The following MYO7B variants were observed in gnomAD, a reference collection of about 807,000 sequenced individuals.
MYO7B encodes myosin VIIB.
In MYO7B, 212 loss-of-function variants were observed where a neutral mutation model predicts 259.7. That is an observed-to-expected ratio of 0.82 (90% CI 0.73 to 0.91). MYO7B has a LOEUF of 0.91. Among genes scored for constraint, MYO7B ranks in the 40% least tolerant of loss-of-function variants. MYO7B has a pLI of 0.00. For missense variants in MYO7B, 2,732 were observed against 2,813.5 expected (o/e 0.97, Z 0.66); for synonymous variants, 1,197 against 1,166.4 (o/e 1.03, Z -0.54).
At chr2:127,579,455 G>A (rs1275923308) in intron 9 of MYO7B, among the ~76,000 whole-genome samples, 1 of 152,236 alleles carries the variant, frequency 6.6e-6, no homozygotes, top group Non-Finnish European at 1.5e-5. Context: ...GCACACTTCG[G>A]CCAGGGAAAG....
At chr2:127,624,041 G>T in intron 29 of MYO7B, 52 bp from the exon 30 acceptor site, 1 of 1,485,882 alleles carries the variant, frequency 6.7e-7, no homozygotes, top group Non-Finnish European at 9.1e-7. Context: ...GCGTCCCCGT[G>T]GGGTGGGGCA....
Position 127,635,189 on chromosome 2 carries a change from A to C in MYO7B, c.5783A>C (p.Lys1928Thr). The C allele has an allele frequency of 6.2e-7, 1 of 1,613,652 alleles. No homozygotes were observed. Among genetic ancestry groups the C allele is most frequent in the South Asian group, 1.1e-5 (1 of 91,052 alleles). Reference sequence around the variant, plus strand: ...TTGTGGCTCAACATATCTCCAGGGAAGGATGTGAATGCAGACACCATACTC... The same window carrying C: ...TTGTGGCTCAACATATCTCCAGGGACGGATGTGAATGCAGACACCATACTC... ...RKLWLNISPG[K>T]DVNADTILHY... The change falls in exon 43 of 48, where the codon AAG (lysine) becomes ACG (threonine). Residue 1928 changes from lysine (K) to threonine (T), a missense_variant. By Grantham distance (78) the Lys-to-Thr change is moderately conservative. This residue lies in a region of MYO7B where 821 missense variants were observed against 769.3 expected (regional missense o/e 1.07). Transcript: ENST00000409816.
intron 22 of MYO7B, 59 bp downstream of exon 22, chr2:127,608,937 T>A: frequency 1.3e-6 from 2 of 1,551,514 alleles, no homozygotes; most frequent in Non-Finnish European, 1.7e-6. Flanking sequence ...GCCTGCCCAG[T>A]CCGTGAACTC....
rs1300135588 is a variant in MYO7B, at chr2:127,627,744, C to T, written c.4460+434C>T. On this transcript the variant is annotated intron_variant, in intron 33 of 47. Transcript: ENST00000409816. This position sits in a 1 kb window ranked among gnomAD's most constrained non-coding sequence, Gnocchi z 5.6. ...GGCTGGGGGTCCTCTTAGGCTGGGGCTGACCCCCACTCCCATGGGTCTCCA... is the reference window on the plus strand; with the variant it reads ...GGCTGGGGGTCCTCTTAGGCTGGGGTTGACCCCCACTCCCATGGGTCTCCA... The T allele has an allele frequency of 2.2e-6, 1 of 459,084 alleles. No homozygotes were observed. Among genetic ancestry groups the T allele is most frequent in the Non-Finnish European group, 4.4e-6 (1 of 228,712 alleles). The allele number at this position is 459,084 out of a possible 1,614,324, so 28.4% of individuals were successfully genotyped here.
At chr2:127,569,980 GGGGA>G in intron 6 of MYO7B, 70 bp downstream of exon 6, 5 of 1,526,230 alleles carry the variant, frequency 3.3e-6, no homozygotes, top group Non-Finnish European at 2.7e-6. Flanking sequence ...GTAGGACCAT[GGGGA>G]GGGACAGGAT....
intron 44 of MYO7B, 72 bp downstream of exon 44, chr2:127,635,979 C>G (rs56412754): frequency 3.9e-5 from 58 of 1,496,464 alleles, no homozygotes; most frequent in Non-Finnish European, 5.1e-5. Context: ...GTGCCATGCC[C>G]TGCCTGGGCT....
Position 127,601,931 on chromosome 2 carries a change from G to A in MYO7B, c.2340-3913G>A, listed in dbSNP as rs896537824. Among the ~76,000 whole-genome samples, 12 of 152,244 alleles carry A rather than the reference G, an allele frequency of 7.9e-5. 1 individual carries two copies. Among genetic ancestry groups the A allele is most frequent in the East Asian group, 3.9e-4 (2 of 5,186 alleles). ...TTACATATCATTTCACTCAAAGCCTGTTTCCAAGAAGGTATCAGCAACATT... is the reference window on the plus strand; with the variant it reads ...TTACATATCATTTCACTCAAAGCCTATTTCCAAGAAGGTATCAGCAACATT... On this transcript the variant is annotated intron_variant, in intron 19 of 47. Transcript: ENST00000409816.
rs757670429 is a variant in MYO7B at position 127,576,607 on chromosome 2, CG to C, written c.750del (p.Asn251ThrfsTer12). The stretch of plus-strand genomic sequence containing the variant: ...CCCTCCCTCCCAGGCTCCCGAGGAG[CG>C]GAACTACCATATCTTCTACTGCATG... ...SRVCRQAPEERNYHIFYCMLM... is the reference protein window; with the variant it reads ...SRVCRQAPEEXNYHIFYCMLM... On this transcript the variant is annotated frameshift_variant, in exon 8 of 48. Transcript: ENST00000409816. LOFTEE classifies it high-confidence loss of function. This position sits in a 1 kb window ranked among gnomAD's most constrained non-coding sequence, Gnocchi z 4.9. 3.7e-6 allele frequency: 6 copies of C among 1,600,802 alleles called. No homozygotes were observed. Among genetic ancestry groups the C allele is most frequent in the Non-Finnish European group, 4.3e-6 (5 of 1,171,120 alleles).
In MYO7B at chr2:127,573,936, G is replaced by A. The variant is rs943844599; in HGVS notation, c.609G>A (p.Lys203=). The change falls in exon 7 of 48, where the codon AAG becomes AAA. Residue 203 remains lysine, a synonymous_variant. Transcript: ENST00000409816. ...NPILEAFGNA[K]TIRNDNSSRF... is the part of the protein sequence containing the mutation. The stretch of plus-strand genomic sequence containing the variant: ...TACCTTCAGCCTTTGGAAATGCCAA[G>A]ACAATCCGCAACGACAACTCAAGCC... The A allele has an allele frequency of 6.2e-7, 1 of 1,613,946 alleles. No homozygotes were observed. The highest frequency in any genetic ancestry group is 1.7e-5 in the Admixed American group (1 of 60,014).
rs772567705 is a variant in MYO7B at position 127,565,382 on chromosome 2, C to G, written c.282C>G (p.Ile94Met). 1 of 1,613,880 alleles carries G rather than the reference C, an allele frequency of 6.2e-7. No individual in the cohort carries two copies. The highest frequency in any genetic ancestry group is 1.3e-5 in the African/African-American group (1 of 74,946). Residue 94 changes from isoleucine (I) to methionine (M), a missense_variant, in exon 4 of 48, where the codon ATC becomes ATG. Physicochemically the swap from Ile to Met is conservative, Grantham distance 10. Coordinates refer to ENST00000409816, the MANE Select transcript of MYO7B (RefSeq NM_001393586.1). ...TGATCCGCTACCAGCAGCACAAGATCTATGTGAGTCTCCCCAGCCCTGTGT... is the reference window on the plus strand; with the variant it reads ...TGATCCGCTACCAGCAGCACAAGATGTATGTGAGTCTCCCCAGCCCTGTGT... ...NLLIRYQQHK[I>M]YTYTGSILVA...
intron 6 of MYO7B, 120 bp from the exon 7 acceptor site, chr2:127,573,800 G>A (rs1031574105): frequency 2.2e-5 from 29 of 1,315,782 alleles, no homozygotes; most frequent in South Asian, 1.4e-4. Flanking sequence ...TGGTGCAGCC[G>A]TGCCCATTCT....
intron 31 of MYO7B, chr2:127,626,704 G>A (rs1418995340): frequency 2.8e-5 from 9 of 326,792 alleles, no homozygotes; most frequent in African/African-American, 4.3e-5. Context: ...GCTTGAACTC[G>A]GGAGGCGGAG....
At chr2:127,541,014 A>G (rs1380370606) in intron 1 of MYO7B, among the ~76,000 whole-genome samples, 2 of 152,214 alleles carry the variant, frequency 1.3e-5, no homozygotes, top group Non-Finnish European at 2.9e-5. Context: ...TTCATTGTTC[A>G]TATCTATAAT....
chr2:127,612,511 G>A lies in MYO7B; in HGVS notation c.3306G>A (p.Leu1102=), dbSNP rs1680424240. ...ASQLNIGEEA[L]EPDGLGADRP... The stretch of plus-strand genomic sequence containing the variant: ...AGCTGAACATTGGAGAGGAGGCATT[G>A]GAGCCTGATGGCCTTGGTGCAGACC... Residue 1102 remains leucine (L), a synonymous_variant, in exon 26 of 48, where the codon TTG becomes TTA. Transcript: ENST00000409816. 1.3e-6 allele frequency: 2 copies of A among 1,565,516 alleles called. No homozygotes were observed. The highest frequency in any genetic ancestry group is 2.4e-5 in the East Asian group (1 of 41,774).
At chr2:127,568,619 G>T (rs141507714) in intron 5 of MYO7B, among the ~76,000 whole-genome samples, 1 of 152,304 alleles carries the variant, frequency 6.6e-6, no homozygotes, top group East Asian at 1.9e-4. Flanking sequence ...TATTTTGGCC[G>T]GGTGCGGTAG....
intron 38 of MYO7B, 38 bp from the exon 39 acceptor site, chr2:127,632,207 CT>C (rs748567077): frequency 1.3e-5 from 20 of 1,594,416 alleles, no homozygotes; most frequent in Non-Finnish European, 1.5e-5. Context: ...CCAGGGCCCC[CT>C]GAGGGGCCTT....
chr2:127,625,285 C>G, intron 30 of MYO7B, 83 bp from the exon 31 acceptor site: 5 of 1,402,238 alleles, frequency 3.6e-6, no homozygotes, highest in Non-Finnish European at 4.7e-6. Context: ...GGCAAGAGCC[C>G]GGCCACGGGA....
At chr2:127,593,691 G>C in intron 18 of MYO7B, 47 bp downstream of exon 18, 1 of 1,557,450 alleles carries the variant, frequency 6.4e-7, no homozygotes, top group Non-Finnish European at 8.8e-7. Context: ...TGCAGCATGT[G>C]GGCTTGTCAG....
In MYO7B at chr2:127,546,122, C is replaced by T. The variant is rs1003056753; in HGVS notation, c.-24+10291C>T. Among the ~76,000 whole-genome samples the T allele has an allele frequency of 6.6e-6, 1 of 152,236 alleles. No individual in the cohort carries two copies. Among genetic ancestry groups the T allele is most frequent in the African/African-American group, 2.4e-5 (1 of 41,462 alleles). ...TTCCAAGTCTTACTCATCCCTCACC[C>T]AGCCCCAGATGCCCTTTCTGCCCAA... On this transcript the variant is annotated intron_variant, in intron 1 of 47. Transcript: ENST00000409816. The surrounding 1 kb of genome is among the most constrained non-coding windows in gnomAD (Gnocchi z 4.2).
Sources: gnomAD v4.1 joint callset for allele counts (sites outside exome capture counted in the v4.1 genomes callset) on GRCh38, gnomAD v4.1.1 for gene constraint, gnomAD v4.1.1 regional missense constraint, Gnocchi (gnomAD v3.1) non-coding constraint, MANE v1.5 for transcripts, NCBI Gene and HGNC (gene_info 2026-07-23, HGNC 2026-07-21) for gene names.